JAZF1: variants seen among roughly 807,000 people sequenced by gnomAD.
The protein encoded by JAZF1 is juxtaposed with another zinc finger protein 1.
A neutral mutation model predicts 26.4 loss-of-function variants in JAZF1; 8 were observed. The ratio of observed to expected loss-of-function variants is 0.30; its 90% CI spans 0.18 to 0.55. The LOEUF (loss-of-function observed/expected upper bound fraction) is 0.55, where lower values mean the gene tolerates loss of function less well. Ranked by LOEUF, JAZF1 falls within the 20% of genes least tolerant of loss-of-function variation. The pLI, the probability that JAZF1 is intolerant of heterozygous loss-of-function variation, is 0.94. For missense variants in JAZF1, 199 were observed against 322.0 expected (o/e 0.62, Z 2.92); for synonymous variants, 126 against 122.3 (o/e 1.03, Z -0.20).
chr7:27,909,850 T>C (rs1423497469), intron 2 of JAZF1, among the ~76,000 whole-genome samples: 1 of 152,208 alleles, frequency 6.6e-6, no homozygotes, highest in African/African-American at 2.4e-5. Flanking sequence ...TCATCTTGTG[T>C]TCACATAATC....
At chr7:28,072,338 T>C (rs1190697709) in intron 1 of JAZF1, among the ~76,000 whole-genome samples, 1 of 152,248 alleles carries the variant, frequency 6.6e-6, no homozygotes, top group Non-Finnish European at 1.5e-5. Flanking sequence ...ATGTAATAAA[T>C]AATTAATGCA....
At chr7:27,846,469 T>G (rs1562762553) in intron 3 of JAZF1, 1 of 470,784 alleles carries the variant, frequency 2.1e-6, no homozygotes, top group Non-Finnish European at 4.4e-6. Flanking sequence ...GACAAGTTGG[T>G]TGTTTCCAAT....
At chr7:28,143,086 T>C (rs1453494753) in intron 1 of JAZF1, among the ~76,000 whole-genome samples, 5 of 152,190 alleles carry the variant, frequency 3.3e-5, no homozygotes, top group Admixed American at 3.3e-4. Flanking sequence ...AAGAGTTTTG[T>C]TTAAGCCTAG....
At chr7:27,871,734 G>A (rs77259363) in intron 3 of JAZF1, among the ~76,000 whole-genome samples, 11,529 of 152,186 alleles carry the variant, frequency 0.076, 638 homozygotes, top group Middle Eastern at 0.12. Flanking sequence ...AACATGCTTC[G>A]AATGTTAATT....
At chr7:27,835,888 A>G (rs1324541380) in intron 4 of JAZF1, among the ~76,000 whole-genome samples, 1 of 152,196 alleles carries the variant, frequency 6.6e-6, no homozygotes, top group Non-Finnish European at 1.5e-5. Context: ...TTGGTCTTTG[A>G]AAAAAATGGA....
intron 1 of JAZF1, among the ~76,000 whole-genome samples, chr7:28,055,310 A>G (rs146658913): frequency 1.1e-3 from 167 of 152,188 alleles, no homozygotes; most frequent in African/African-American, 3.7e-3. Flanking sequence ...AAAATCCCTG[A>G]TGGCTCTCCA....
At chr7:28,053,151 ATT>A (rs757285340) in intron 1 of JAZF1, among the ~76,000 whole-genome samples, 19 of 152,232 alleles carry the variant, frequency 1.2e-4, no homozygotes, top group South Asian at 8.3e-4. Flanking sequence ...ATGTGATAGG[ATT>A]TCCTTCATTA....
intron 2 of JAZF1, 45 bp from the exon 3 acceptor site, chr7:27,895,461 C>G: frequency 4.3e-6 from 6 of 1,386,454 alleles, no homozygotes; most frequent in Non-Finnish European, 5.9e-6. Flanking sequence ...ATGTATAGAG[C>G]ATGAGGACTG....
intron 1 of JAZF1, among the ~76,000 whole-genome samples, chr7:28,111,417 A>G (rs1784659794): frequency 6.6e-6 from 1 of 152,144 alleles, no homozygotes; most frequent in South Asian, 2.1e-4. Flanking sequence ...TTATTAATTC[A>G]TTTGGTGAGC....
intron 3 of JAZF1, among the ~76,000 whole-genome samples, chr7:27,891,824 C>G (rs1783980718): frequency 6.6e-6 from 1 of 152,110 alleles, no homozygotes; most frequent in South Asian, 2.1e-4. Flanking sequence ...TAGAGTGATA[C>G]AGTAAGACCC....
At chr7:27,931,567 C>A (rs1392902406) in intron 2 of JAZF1, among the ~76,000 whole-genome samples, 2 of 152,156 alleles carry the variant, frequency 1.3e-5, no homozygotes, top group Non-Finnish European at 2.9e-5. Context: ...GTAATCCCAG[C>A]ACTTTGGGAG....
intron 1 of JAZF1, among the ~76,000 whole-genome samples, chr7:28,048,645 T>A (rs1426444057): frequency 6.6e-6 from 1 of 152,228 alleles, no homozygotes; most frequent in Non-Finnish European, 1.5e-5. Flanking sequence ...GTCATTTTCA[T>A]TATGATTTCT....
At position 28,035,416 on chromosome 7, in the gene JAZF1, G is replaced by GC. The variant is rs1583521910; in HGVS notation, c.116-43436_116-43435insG. ...TCAGTGTGGCATTAATCTCAAGTAA[G>GC]TAAAAAAAACAGGAAAAGAATGAGA... On this transcript the variant is annotated intron_variant, in intron 1 of 4. Coordinates refer to ENST00000283928, the MANE Select transcript of JAZF1 (RefSeq NM_175061.4). 3.5e-5 allele frequency among the ~76,000 whole-genome samples: 5 copies of GC among 144,790 alleles called. No homozygotes were observed. The East Asian group carries it at 1.2e-3, about 34-fold the overall frequency. The allele number at this position is 144,790 out of a possible 152,430, so 95.0% of individuals were successfully genotyped here.
At chr7:28,151,822 A>C (rs751966959) in intron 1 of JAZF1, among the ~76,000 whole-genome samples, 1 of 152,142 alleles carries the variant, frequency 6.6e-6, no homozygotes, top group Non-Finnish European at 1.5e-5. Flanking sequence ...AAAATCTTTT[A>C]ATTTTTAAAA....
At chr7:28,152,766 C>T (rs1323250841) in intron 1 of JAZF1, among the ~76,000 whole-genome samples, 1 of 152,096 alleles carries the variant, frequency 6.6e-6, no homozygotes, top group East Asian at 1.9e-4. Flanking sequence ...CGAAATTCAG[C>T]TAGGTCTATT....
At chr7:28,028,462 C>T (rs1341375192) in intron 1 of JAZF1, among the ~76,000 whole-genome samples, 4 of 152,206 alleles carry the variant, frequency 2.6e-5, no homozygotes, top group Non-Finnish European at 5.9e-5. Flanking sequence ...CTTCTTGTGT[C>T]CATTGAATCT....
chr7:27,881,494 C>G (rs1277740756), intron 3 of JAZF1, among the ~76,000 whole-genome samples: 1 of 152,186 alleles, frequency 6.6e-6, no homozygotes, highest in Non-Finnish European at 1.5e-5. Context: ...TTCATAGCAT[C>G]TAAGTGCTCT....
chr7:28,169,960 C>T (rs1783429124), intron 1 of JAZF1, among the ~76,000 whole-genome samples: 1 of 152,152 alleles, frequency 6.6e-6, no homozygotes, highest in African/African-American at 2.4e-5. Flanking sequence ...AGGTCTGGTG[C>T]TGGAGTGACA....
At chr7:27,996,779 T>C (rs1238954179) in intron 1 of JAZF1, among the ~76,000 whole-genome samples, 1 of 152,230 alleles carries the variant, frequency 6.6e-6, no homozygotes, top group Admixed American at 6.5e-5. Flanking sequence ...TTGCACACTT[T>C]TCAGAGGTGA....
Sources: allele counts gnomAD v4.1 joint callset (sites outside exome capture counted in the v4.1 genomes callset), GRCh38; gene constraint gnomAD v4.1.1; transcripts MANE v1.5; gene names NCBI Gene and HGNC (gene_info 2026-07-23, HGNC 2026-07-21).